Variants in PCCB observed in about 807,000 individuals in gnomAD.
PCCB encodes the protein propionyl-CoA carboxylase subunit beta.
PCCB carries 43 observed loss-of-function variants against 60.7 expected under a neutral mutation model. That is an observed-to-expected ratio of 0.71 (90% CI 0.55 to 0.91). The LOEUF (loss-of-function observed/expected upper bound fraction) is 0.91. PCCB is among the 40% of genes least tolerant of loss of function. The probability of loss-of-function intolerance (pLI) is 0.00; values close to 1 mark genes in which losing one functional copy is unlikely to be tolerated. For synonymous variants in PCCB, 276 were observed against 255.9 expected (o/e 1.08, Z -0.75); for missense variants, 766 against 702.8 (o/e 1.09, Z -1.02).
At chr3:136,257,748 C>T (rs927748683) in intron 3 of PCCB, among the ~76,000 whole-genome samples, 2 of 152,000 alleles carry the variant, frequency 1.3e-5, no homozygotes, top group Admixed American at 1.3e-4. Context: ...ACCAGCTGGC[C>T]AACATGGCGA....
intron 2 of PCCB, 34 bp from the exon 3 acceptor site, chr3:136,256,520 AT>A: frequency 6.5e-7 from 1 of 1,532,234 alleles, no homozygotes; most frequent in Non-Finnish European, 9.0e-7. Context: ...AAGTATTTGG[AT>A]TTTTTAACCT....
chr3:136,278,539 ATTC>A (rs1942392665), intron 5 of PCCB, among the ~76,000 whole-genome samples: 1 of 152,034 alleles, frequency 6.6e-6, no homozygotes. Context: ...TCTCTTGTAG[ATTC>A]TTCTTTTGCC....
At chr3:136,311,604 T>C (rs13067714) in intron 9 of PCCB, among the ~76,000 whole-genome samples, 9,228 of 152,178 alleles carry the variant, frequency 0.061, 368 homozygotes, top group Non-Finnish European at 0.094. Flanking sequence ...CCTTCCAAAG[T>C]GCTGGGATTT....
At chr3:136,326,467 G>A in intron 10 of PCCB, 1 of 696,990 alleles carries the variant, frequency 1.4e-6, no homozygotes, top group Non-Finnish European at 2.6e-6. Context: ...CTGATTGGAA[G>A]CTCTGAGGAC....
chr3:136,268,246 C>T (rs977317545), intron 5 of PCCB, among the ~76,000 whole-genome samples: 4 of 150,452 alleles, frequency 2.7e-5, no homozygotes, highest in African/African-American at 9.8e-5. Flanking sequence ...AAGAGTCTAA[C>T]ATCACTCTTG....
rs550634643 is a variant in PCCB at position 136,323,723 on chromosome 3, T to C, written c.1091-3080T>C. On this transcript the variant is annotated intron_variant, in intron 10 of 14. Transcript: ENST00000251654. ...TCACATGAACCTGGGAGGCAGAGCT[T>C]GCAGTGAGCTGAGATGGCGCCATTG... 1.2e-3 allele frequency among the ~76,000 whole-genome samples: 184 copies of C among 150,894 alleles called. 1 individual carries two copies. The highest frequency in any genetic ancestry group is 2.7e-3 in the Admixed American group (41 of 15,088).
intron 5 of PCCB, among the ~76,000 whole-genome samples, chr3:136,278,071 C>G (rs574442186): frequency 6.6e-6 from 1 of 152,162 alleles, no homozygotes; most frequent in Admixed American, 6.5e-5. Context: ...CCCAAGGTCC[C>G]CTGTGAGGTA....
intron 10 of PCCB, among the ~76,000 whole-genome samples, chr3:136,319,709 A>G (rs1412413359): frequency 6.6e-6 from 1 of 152,004 alleles, no homozygotes; most frequent in Non-Finnish European, 1.5e-5. Context: ...AAAAGTTTTT[A>G]GTTTTGATTA....
chr3:136,260,749 C>T (rs928495822), intron 4 of PCCB, among the ~76,000 whole-genome samples: 6 of 152,072 alleles, frequency 3.9e-5, no homozygotes, highest in African/African-American at 1.4e-4. Flanking sequence ...TTTTACATGC[C>T]TAAAATAAAA....
chr3:136,297,531 C>T (rs766078581), intron 7 of PCCB, among the ~76,000 whole-genome samples: 4 of 152,106 alleles, frequency 2.6e-5, no homozygotes, highest in Non-Finnish European at 5.9e-5. Flanking sequence ...TTAATGTTGG[C>T]CAGGCCTGAT....
At chr3:136,313,663 G>A (rs1934760049) in intron 9 of PCCB, among the ~76,000 whole-genome samples, 1 of 152,092 alleles carries the variant, frequency 6.6e-6, no homozygotes, top group Non-Finnish European at 1.5e-5. Context: ...AATCAAGACT[G>A]GGGAAAACCT....
Position 136,256,635 on chromosome 3 carries a change from C to T in PCCB, c.372+12C>T, listed in dbSNP as rs1474513073. ...ATGTCTTCAGTCAGGTATTTCATAA[C>T]TCCAATAGTCTGAACTTTTCTTGGA... On this transcript the variant is annotated intron_variant, in intron 3 of 14. Transcript: ENST00000251654. The T allele has an allele frequency of 6.3e-7, 1 of 1,579,488 alleles. No individual in the cohort carries two copies. Among genetic ancestry groups the T allele is most frequent in the Admixed American group, 1.7e-5 (1 of 59,942 alleles).
rs796306606 is a variant in PCCB at position 136,298,500 on chromosome 3, G to A, written c.884+428G>A. 1.3e-4 allele frequency among the ~76,000 whole-genome samples: 20 copies of A among 152,294 alleles called. 2 individuals carry two copies. In the South Asian group the frequency reaches 4.1e-3, roughly 32 times the overall value. On this transcript the variant is annotated intron_variant, in intron 8 of 14. Transcript: ENST00000251654. ...TATACCTGGCTTTTTTCTGTCTAAAGTGACTGGTTCCTGGGCTCTACCTAG... is the reference window on the plus strand; with the variant it reads ...TATACCTGGCTTTTTTCTGTCTAAAATGACTGGTTCCTGGGCTCTACCTAG...
chr3:136,251,348 T>C (rs1576398384), intron 1 of PCCB: 2 of 456,412 alleles, frequency 4.4e-6, no homozygotes, highest in Admixed American at 2.4e-5. Context: ...GGTGGGTGAG[T>C]CTGGACCGTT....
At chr3:136,316,362 C>G (rs573357310) in intron 9 of PCCB, among the ~76,000 whole-genome samples, 2 of 152,178 alleles carry the variant, frequency 1.3e-5, no homozygotes, top group South Asian at 4.2e-4. Context: ...GTTGCCCAGG[C>G]TAGAGTGCAG....
intron 4 of PCCB, 94 bp downstream of exon 4, chr3:136,260,629 C>G (rs1941795648): frequency 1.9e-6 from 2 of 1,080,502 alleles, no homozygotes; most frequent in Non-Finnish European, 2.8e-6. Flanking sequence ...GAGCTAGGTA[C>G]TTGGGGTAGG....
At position 136,303,412 on chromosome 3, in the gene PCCB, GATCTATTTATAA is replaced by G. The variant is rs1934356583; in HGVS notation, c.966+2308_966+2319del. 1.6e-5 allele frequency among the ~76,000 whole-genome samples: 2 copies of G among 121,752 alleles called. 1 individual carries two copies. The highest frequency in any genetic ancestry group is 3.7e-5 in the Non-Finnish European group (2 of 54,766). The allele number at this position is 121,752 out of a possible 152,430, so 79.9% of individuals were successfully genotyped here. A position where few individuals can be genotyped will look rare whatever the true frequency, so the allele number is the denominator to read the frequency against. On this transcript the variant is annotated intron_variant, in intron 9 of 14. Transcript: ENST00000251654. ...GATGATCATGTGATTTTCTTCCTTA[GATCTATTTATAA>G]ATCTATCCTAGTAGATTTCTGAATA...
intron 5 of PCCB, among the ~76,000 whole-genome samples, chr3:136,266,642 C>G (rs1162342815): frequency 6.6e-6 from 1 of 152,148 alleles, no homozygotes. Context: ...CACTGTAGTT[C>G]TAGTTTGCAT....
rs183256104 is a variant in PCCB at position 136,322,892 on chromosome 3, T to C, written c.1091-3911T>C. Among the ~76,000 whole-genome samples, 261 of 152,274 alleles carry C rather than the reference T, an allele frequency of 1.7e-3. 1 individual carries two copies. The highest frequency in any genetic ancestry group is 3.1e-3 in the Non-Finnish European group (212 of 68,016). On this transcript the variant is annotated intron_variant, in intron 10 of 14. Coordinates refer to ENST00000251654, the MANE Select transcript of PCCB (RefSeq NM_000532.5). ...GATATAGAATTCTTGGTTGACACTTTTATTCTTTTAGCATTTTAAATATGT... is the reference window on the plus strand; with the variant it reads ...GATATAGAATTCTTGGTTGACACTTCTATTCTTTTAGCATTTTAAATATGT...
Sources: allele counts gnomAD v4.1 joint callset (sites outside exome capture counted in the v4.1 genomes callset), GRCh38; gene constraint gnomAD v4.1.1; transcripts MANE v1.5; gene names NCBI Gene and HGNC (gene_info 2026-07-23, HGNC 2026-07-21).